The following EDAR variants were observed in gnomAD, a reference collection of about 807,000 sequenced individuals.
EDAR encodes ectodysplasin A receptor, also known as tumor necrosis factor receptor superfamily member EDAR.
In EDAR, 38 loss-of-function variants were observed where a neutral mutation model predicts 51.3. The observed-to-expected ratio is 0.74, with a 90% CI of 0.57 to 0.97. The LOEUF (loss-of-function observed/expected upper bound fraction) is 0.97. Ranked by LOEUF, EDAR falls within the 50% of genes least tolerant of loss-of-function variation. The pLI is 0.00. For missense variants in EDAR, 528 were observed against 595.0 expected (o/e 0.89, Z 1.17); for synonymous variants, 227 against 242.1 (o/e 0.94, Z 0.58).
At chr2:108,930,370 G>T in intron 2 of EDAR, 128 bp from the exon 3 acceptor site, 2 of 988,116 alleles carry the variant, frequency 2.0e-6, no homozygotes, top group Middle Eastern at 2.7e-4. Context: ...GCTCGGTCTG[G>T]GAAGGTGCCC....
chr2:108,901,869 C>T (rs1281703065), intron 11 of EDAR, among the ~76,000 whole-genome samples: 3 of 151,982 alleles, frequency 2.0e-5, no homozygotes, highest in East Asian at 1.9e-4. Context: ...TTTGGGAGGC[C>T]GAGGTGGGTA....
At chr2:108,910,682 A>C (rs1696909667) in intron 8 of EDAR, 94 bp downstream of exon 8, 2 of 1,475,968 alleles carry the variant, frequency 1.4e-6, no homozygotes, top group South Asian at 1.1e-5. Flanking sequence ...TCAGCATGTG[A>C]GAGCAGAAGC....
chr2:108,901,444 T>C (rs1696696432), intron 11 of EDAR, among the ~76,000 whole-genome samples: 1 of 152,034 alleles, frequency 6.6e-6, no homozygotes, highest in Admixed American at 6.6e-5. Flanking sequence ...AAACCAAATG[T>C]ACATAGAAGG....
chr2:108,959,712 GC>G (rs1242644950), intron 1 of EDAR, among the ~76,000 whole-genome samples: 6 of 152,138 alleles, frequency 3.9e-5, no homozygotes, highest in Non-Finnish European at 5.9e-5. Flanking sequence ...TGGAGATTTC[GC>G]CTTTCCCCAG....
chr2:108,902,253 A>G (rs191644703), intron 11 of EDAR, among the ~76,000 whole-genome samples: 14 of 151,846 alleles, frequency 9.2e-5, no homozygotes, highest in African/African-American at 2.9e-4. Flanking sequence ...GCATGTGCCT[A>G]TAATCCCAGC....
intron 1 of EDAR, among the ~76,000 whole-genome samples, chr2:108,943,310 A>T (rs1371707555): frequency 1.3e-5 from 2 of 152,164 alleles, no homozygotes. Context: ...ACCCTGGGAG[A>T]AACAGAGGGG....
intron 1 of EDAR, among the ~76,000 whole-genome samples, chr2:108,947,122 C>T (rs1168318790): frequency 6.6e-6 from 1 of 152,194 alleles, no homozygotes; most frequent in Non-Finnish European, 1.5e-5. Context: ...AACAAAGGGG[C>T]CATAGGCCCC....
intron 1 of EDAR, among the ~76,000 whole-genome samples, chr2:108,985,494 A>G (rs991604404): frequency 1.3e-5 from 2 of 152,200 alleles, no homozygotes; most frequent in Admixed American, 6.5e-5. Context: ...TGTTTTCCAT[A>G]GTCCTCTGTT....
At chr2:108,911,868 T>A (rs1185385978) in intron 6 of EDAR, among the ~76,000 whole-genome samples, 1 of 152,204 alleles carries the variant, frequency 6.6e-6, no homozygotes, top group Non-Finnish European at 1.5e-5. Flanking sequence ...TGTGGGTGCA[T>A]CTGCAGGAAA....
At chr2:108,944,469 A>G (rs757847734) in intron 1 of EDAR, among the ~76,000 whole-genome samples, 25 of 152,214 alleles carry the variant, frequency 1.6e-4, no homozygotes, top group Non-Finnish European at 3.2e-4. Context: ...GGCTGCGGCA[A>G]CAATGGCCAT....
chr2:108,963,274 G>T (rs539935289), intron 1 of EDAR, among the ~76,000 whole-genome samples: 1 of 152,282 alleles, frequency 6.6e-6, no homozygotes, highest in South Asian at 2.1e-4. Context: ...AAATGATCAC[G>T]CACTACACAC....
At chr2:108,947,311 G>A (rs193212591) in intron 1 of EDAR, among the ~76,000 whole-genome samples, 2 of 152,184 alleles carry the variant, frequency 1.3e-5, no homozygotes, top group Non-Finnish European at 2.9e-5. Flanking sequence ...TCATGGGCTG[G>A]TGTTGAGTGC....
rs1047205062 is a variant in EDAR at position 108,896,245 on chromosome 2, A to C, written c.*662T>G. ...GGCCTGTAAGAATATGGATGACCTCAAGGATAGGTAAAAAGTTATCCTAAT... is the reference window on the plus strand; with the variant it reads ...GGCCTGTAAGAATATGGATGACCTCCAGGATAGGTAAAAAGTTATCCTAAT... On this transcript the variant is annotated 3_prime_UTR_variant, in exon 12 of 12. Transcript: ENST00000258443. 1 of 152,472 alleles carries C rather than the reference A, an allele frequency of 6.6e-6. No individual in the cohort carries two copies. Among genetic ancestry groups the C allele is most frequent in the Non-Finnish European group, 1.5e-5 (1 of 68,238 alleles). 9.4% of individuals were successfully genotyped at this position (152,472 alleles called of 1,614,324 possible). A position where few individuals can be genotyped will look rare whatever the true frequency, so the allele number is the denominator to read the frequency against.
intron 1 of EDAR, among the ~76,000 whole-genome samples, chr2:108,947,950 C>T (rs192021818): frequency 6.6e-6 from 1 of 152,312 alleles, no homozygotes; most frequent in East Asian, 1.9e-4. Context: ...TGCAAATTTT[C>T]CAAACCTTTA....
chr2:108,921,722 T>A (rs949570450), intron 5 of EDAR, among the ~76,000 whole-genome samples: 7 of 152,170 alleles, frequency 4.6e-5, no homozygotes, highest in African/African-American at 1.7e-4. Context: ...GTGGAGGGCA[T>A]CACTCTGTTT....
At chr2:108,954,175 A>G (rs1351670452) in intron 1 of EDAR, among the ~76,000 whole-genome samples, 1 of 152,182 alleles carries the variant, frequency 6.6e-6, no homozygotes, top group East Asian at 1.9e-4. Context: ...GGCAACCTAG[A>G]TAGCATAGAT....
chr2:108,906,461 A>G (rs1696808523), intron 10 of EDAR, 93 bp from the exon 11 acceptor site: 2 of 1,311,360 alleles, frequency 1.5e-6, no homozygotes, highest in Admixed American at 3.6e-5. Flanking sequence ...GGCAGCAGCT[A>G]CGCCCAACAC....
chr2:108,897,526 G>C (rs1696623056), intron 11 of EDAR, among the ~76,000 whole-genome samples: 1 of 152,092 alleles, frequency 6.6e-6, no homozygotes, highest in South Asian at 2.1e-4. Flanking sequence ...ATTTTTAGCA[G>C]TTCTCAAAGA....
intron 4 of EDAR, among the ~76,000 whole-genome samples, chr2:108,924,369 G>A (rs1268627342): frequency 6.6e-6 from 1 of 152,206 alleles, no homozygotes; most frequent in East Asian, 1.9e-4. Flanking sequence ...TCCCTCTGCA[G>A]GCTCTAGCTC....
Sources: allele counts gnomAD v4.1 joint callset (sites outside exome capture counted in the v4.1 genomes callset), GRCh38; gene constraint gnomAD v4.1.1; transcripts MANE v1.5; gene names NCBI Gene and HGNC (gene_info 2026-07-23, HGNC 2026-07-21).